CTNND2: variants seen among roughly 807,000 people sequenced by gnomAD.
CTNND2 encodes the protein catenin delta 2, also known as catenin delta-2.
CTNND2 carries 22 observed loss-of-function variants against 144.4 expected under a neutral mutation model. The ratio of observed to expected loss-of-function variants is 0.15; its 90% CI spans 0.11 to 0.22. CTNND2 has a LOEUF of 0.22. Among genes scored for constraint, CTNND2 ranks in the 10% least tolerant of loss-of-function variants. The pLI, the probability that CTNND2 is intolerant of heterozygous loss-of-function variation, is 1.00. For missense variants in CTNND2, 1,353 were observed against 1,618.8 expected, an observed-to-expected ratio of 0.84 and a Z score of 2.82; for synonymous variants, 751 against 695.6, an observed-to-expected ratio of 1.08 and a Z score of -1.25.
At chr5:11,449,621 C>T (rs751534364) in intron 3 of CTNND2, among the ~76,000 whole-genome samples, 1 of 152,088 alleles carries the variant, frequency 6.6e-6, no homozygotes. Flanking sequence ...CATGTTGTCC[C>T]CTCAAAAGAA....
chr5:11,898,366 A>T (rs1737573150), intron 1 of CTNND2, among the ~76,000 whole-genome samples: 1 of 152,224 alleles, frequency 6.6e-6, no homozygotes, highest in African/African-American at 2.4e-5. Flanking sequence ...AATACAATAA[A>T]GCATTTGTAC....
In CTNND2 at chr5:11,786,067, C is replaced by T. The variant is rs150163744; in HGVS notation, c.38-53795G>A. Among the ~76,000 whole-genome samples the T allele has an allele frequency of 6.7e-3, 1,018 of 152,298 alleles. 3 individuals are homozygous for T. Among genetic ancestry groups the T allele is most frequent in the African/African-American group, 0.019 (775 of 41,560 alleles). Reference sequence around the variant, plus strand: ...AGCACATGGCTCACCTCACCCTATTCGACCAGACCCCCATTCTGCAAGTGG... The same window carrying T: ...AGCACATGGCTCACCTCACCCTATTTGACCAGACCCCCATTCTGCAAGTGG... On this transcript the variant is annotated intron_variant, in intron 1 of 21. Transcript: ENST00000304623.
At chr5:11,067,713 A>G (rs886650465) in intron 16 of CTNND2, among the ~76,000 whole-genome samples, 1 of 152,164 alleles carries the variant, frequency 6.6e-6, no homozygotes, top group Non-Finnish European at 1.5e-5. Flanking sequence ...ACCCCTCTAC[A>G]ATTGTCAGTG....
intron 10 of CTNND2, among the ~76,000 whole-genome samples, chr5:11,207,744 A>G (rs1431662425): frequency 6.6e-6 from 1 of 152,224 alleles, no homozygotes; most frequent in African/African-American, 2.4e-5. Context: ...CTAACTGAGC[A>G]GACTATTTGA....
intron 2 of CTNND2, among the ~76,000 whole-genome samples, chr5:11,658,823 T>C (rs1287034554): frequency 6.6e-6 from 1 of 152,200 alleles, no homozygotes; most frequent in African/African-American, 2.4e-5. Context: ...TTCAAAAAGA[T>C]GTACAGACCT....
intron 3 of CTNND2, among the ~76,000 whole-genome samples, chr5:11,503,640 T>A (rs1438199170): frequency 6.6e-6 from 1 of 152,222 alleles, no homozygotes; most frequent in Non-Finnish European, 1.5e-5. Flanking sequence ...AGGACAGCTT[T>A]AGTCATGACG....
intron 2 of CTNND2, among the ~76,000 whole-genome samples, chr5:11,659,422 C>T (rs983049301): frequency 6.6e-6 from 1 of 152,068 alleles, no homozygotes; most frequent in Non-Finnish European, 1.5e-5. Flanking sequence ...TAAAATGAAT[C>T]CTTAACTCCT....
chr5:11,606,444 A>C (rs1780047560), intron 2 of CTNND2, among the ~76,000 whole-genome samples: 1 of 152,226 alleles, frequency 6.6e-6, no homozygotes, highest in East Asian at 1.9e-4. Flanking sequence ...GGAAAGAGAC[A>C]CATTGGGATG....
chr5:11,042,931 A>G (rs980046558), intron 16 of CTNND2, among the ~76,000 whole-genome samples: 4 of 152,156 alleles, frequency 2.6e-5, no homozygotes, highest in Admixed American at 1.3e-4. Flanking sequence ...TTAGGAGGTA[A>G]TCTTCTTTCT....
At chr5:11,479,333 T>C (rs1768030952) in intron 3 of CTNND2, among the ~76,000 whole-genome samples, 1 of 152,188 alleles carries the variant, frequency 6.6e-6, no homozygotes, top group African/African-American at 2.4e-5. Context: ...ATGATCTTGT[T>C]CTTTTTTATG....
At chr5:11,591,794 TCTTA>T (rs1226079271) in intron 2 of CTNND2, among the ~76,000 whole-genome samples, 1 of 152,178 alleles carries the variant, frequency 6.6e-6, no homozygotes, top group Non-Finnish European at 1.5e-5. Flanking sequence ...TTTCTTTGTT[TCTTA>T]CTTTTTATGG....
At chr5:11,122,930 C>A (rs75800925) in intron 12 of CTNND2, among the ~76,000 whole-genome samples, 3,485 of 152,088 alleles carry the variant, frequency 0.023, 142 homozygotes, top group African/African-American at 0.08. Flanking sequence ...CCTGGGGATA[C>A]CTGCGACCCC....
chr5:11,148,725 A>T (rs757458), intron 12 of CTNND2, among the ~76,000 whole-genome samples: 6 of 151,934 alleles, frequency 3.9e-5, no homozygotes, highest in Admixed American at 3.9e-4. Flanking sequence ...TACCTTCCCA[A>T]GGCCTCTGTG....
chr5:11,739,068 A>G (rs58423698), intron 1 of CTNND2, among the ~76,000 whole-genome samples: 21,961 of 152,168 alleles, frequency 0.14, 1,772 homozygotes, highest in East Asian at 0.27. Flanking sequence ...TTAAAAAGTC[A>G]ACTATTCATA....
chr5:11,141,785 G>C (rs1756755912), intron 12 of CTNND2, among the ~76,000 whole-genome samples: 1 of 152,182 alleles, frequency 6.6e-6, no homozygotes, highest in Non-Finnish European at 1.5e-5. Flanking sequence ...ATGGCTGCTT[G>C]TGATTGATTT....
At chr5:11,641,131 T>C (rs1381576047) in intron 2 of CTNND2, among the ~76,000 whole-genome samples, 2 of 152,120 alleles carry the variant, frequency 1.3e-5, no homozygotes, top group South Asian at 2.1e-4. Flanking sequence ...TTTAAAAAGG[T>C]GAGCTCTCCT....
intron 8 of CTNND2, among the ~76,000 whole-genome samples, chr5:11,350,728 C>A (rs955998172): frequency 6.6e-6 from 1 of 152,072 alleles, no homozygotes; most frequent in Non-Finnish European, 1.5e-5. Context: ...GACAGAAAAA[C>A]ACACTGTATT....
At chr5:11,521,936 G>A (rs543741401) in intron 3 of CTNND2, among the ~76,000 whole-genome samples, 3 of 152,182 alleles carry the variant, frequency 2.0e-5, no homozygotes, top group South Asian at 4.2e-4. Flanking sequence ...GCTGATAACT[G>A]ATTACATATT....
intron 11 of CTNND2, among the ~76,000 whole-genome samples, chr5:11,169,898 CT>C (rs61751824): frequency 0.025 from 3,781 of 152,208 alleles, 156 homozygotes; most frequent in African/African-American, 0.087. Context: ...AGAGCAACAG[CT>C]TTTTCACAGA....
Sources: allele counts gnomAD v4.1 joint callset (sites outside exome capture counted in the v4.1 genomes callset), GRCh38; gene constraint gnomAD v4.1.1; transcripts MANE v1.5; gene names NCBI Gene and HGNC (gene_info 2026-07-23, HGNC 2026-07-21).